GNA14: variants seen among roughly 807,000 people sequenced by gnomAD.
The protein encoded by GNA14 is G protein subunit alpha 14.
A neutral mutation model predicts 42.0 loss-of-function variants in GNA14; 50 were observed. That is an observed-to-expected ratio of 1.19 (90% confidence interval 0.95 to 1.51). The LOEUF is 1.51. Ranked by LOEUF, GNA14 falls within the 40% of genes most tolerant of loss-of-function variation. GNA14 has a pLI of 0.00. For missense variants in GNA14, 473 were observed against 446.2 expected (o/e 1.06, Z -0.54); for synonymous variants, 173 against 163.1 (o/e 1.06, Z -0.46).
chr9:77,564,041 TA>T (rs778401142), intron 1 of GNA14, among the ~76,000 whole-genome samples: 33 of 152,320 alleles, frequency 2.2e-4, no homozygotes, highest in Non-Finnish European at 2.8e-4. Flanking sequence ...ATTTTAACTT[TA>T]AAATATGGAT....
At chr9:77,485,841 A>C (rs939179582) in intron 2 of GNA14, among the ~76,000 whole-genome samples, 3 of 152,214 alleles carry the variant, frequency 2.0e-5, no homozygotes, top group African/African-American at 7.2e-5. Context: ...TAAAATATTC[A>C]GTAAATCATT....
chr9:77,537,121 A>G (rs1837607826), intron 1 of GNA14, among the ~76,000 whole-genome samples: 3 of 152,150 alleles, frequency 2.0e-5, no homozygotes, highest in Non-Finnish European at 4.4e-5. Context: ...AGTATACAAT[A>G]CACTGTTGCT....
At chr9:77,623,129 T>C (rs945005683) in intron 1 of GNA14, among the ~76,000 whole-genome samples, 25 of 143,084 alleles carry the variant, frequency 1.7e-4, no homozygotes, top group Non-Finnish European at 9.0e-5. Flanking sequence ...GGCAGAAGAA[T>C]TGCTTGAACC....
chr9:77,576,000 G>A (rs552022093), intron 1 of GNA14, among the ~76,000 whole-genome samples: 2 of 152,320 alleles, frequency 1.3e-5, no homozygotes, highest in African/African-American at 4.8e-5. Context: ...TATCCATGGT[G>A]CTGAAATGTT....
chr9:77,609,643 A>G lies in GNA14; in HGVS notation c.124+38027T>C, dbSNP rs552934039. ...CACAGTTTGGAGGCTGAGAAGTCCA[A>G]GATCAAGGTGCTGGTTGATTTGATT... On this transcript the variant is annotated intron_variant, in intron 1 of 6. Transcript: ENST00000341700. 1.3e-3 allele frequency among the ~76,000 whole-genome samples: 191 copies of G among 152,328 alleles called. 1 individual carries two copies. Among genetic ancestry groups the G allele is most frequent in the African/African-American group, 4.5e-3 (186 of 41,580 alleles).
intron 1 of GNA14, among the ~76,000 whole-genome samples, chr9:77,622,057 C>T (rs1351042960): frequency 6.6e-6 from 1 of 152,174 alleles, no homozygotes; most frequent in African/African-American, 2.4e-5. Flanking sequence ...TCCCAAAGTT[C>T]TGGGATTACA....
At chr9:77,566,879 C>T (rs1156817004) in intron 1 of GNA14, among the ~76,000 whole-genome samples, 1 of 152,102 alleles carries the variant, frequency 6.6e-6, no homozygotes, top group African/African-American at 2.4e-5. Context: ...ATTTGAATCT[C>T]AGGAGAGTGA....
chr9:77,529,094 A>G lies in GNA14; in HGVS notation c.284T>C (p.Ile95Thr). 2 of 1,614,210 alleles carry G rather than the reference A, an allele frequency of 1.2e-6. No individual in the cohort carries two copies. The highest frequency in any genetic ancestry group is 8.5e-7 in the Non-Finnish European group (1 of 1,180,028). ...CTTATTCTGTTCACACACATACTGTATCCTTAGCGTGTCCATCGCTCTGAT... is the reference window on the plus strand; with the variant it reads ...CTTATTCTGTTCACACACATACTGTGTCCTTAGCGTGTCCATCGCTCTGAT... ...AMIRAMDTLR[I>T]QYVCEQNKEN... Residue 95 changes from isoleucine (I) to threonine (T), a missense_variant, in exon 2 of 7, where the codon ATA becomes ACA. Ile to Thr is a moderately conservative substitution (Grantham distance 89). Transcript: ENST00000341700.
intron 1 of GNA14, among the ~76,000 whole-genome samples, chr9:77,612,073 A>C (rs982308834): frequency 2.6e-5 from 4 of 151,978 alleles, no homozygotes; most frequent in African/African-American, 9.7e-5. Flanking sequence ...AGTGGTTATA[A>C]TATACTAGAA....
At chr9:77,484,362 A>C (rs1836618460) in intron 2 of GNA14, among the ~76,000 whole-genome samples, 1 of 152,216 alleles carries the variant, frequency 6.6e-6, no homozygotes, top group African/African-American at 2.4e-5. Context: ...AAAAAATTAA[A>C]ACGTGTTCAA....
intron 6 of GNA14, among the ~76,000 whole-genome samples, chr9:77,424,743 T>C (rs529876821): frequency 7.2e-5 from 11 of 152,290 alleles, no homozygotes; most frequent in African/African-American, 2.2e-4. Flanking sequence ...TGGACCACTA[T>C]TGAAGAGAAG....
At chr9:77,534,418 G>C (rs1837569553) in intron 1 of GNA14, among the ~76,000 whole-genome samples, 1 of 152,208 alleles carries the variant, frequency 6.6e-6, no homozygotes, top group African/African-American at 2.4e-5. Context: ...TCTTTCCCAA[G>C]TGATAGTCCA....
At chr9:77,463,674 A>T (rs1012198343) in intron 2 of GNA14, among the ~76,000 whole-genome samples, 1 of 152,216 alleles carries the variant, frequency 6.6e-6, no homozygotes, top group Non-Finnish European at 1.5e-5. Flanking sequence ...AAATGCCTCA[A>T]AAATAATTAT....
intron 1 of GNA14, among the ~76,000 whole-genome samples, chr9:77,607,161 A>T (rs1823655549): frequency 6.6e-6 from 1 of 152,236 alleles, no homozygotes; most frequent in Non-Finnish European, 1.5e-5. Flanking sequence ...GGATTTGCAC[A>T]AAATGATTGG....
intron 1 of GNA14, among the ~76,000 whole-genome samples, chr9:77,558,036 T>C (rs1438241482): frequency 1.3e-5 from 2 of 152,194 alleles, no homozygotes; most frequent in Non-Finnish European, 2.9e-5. Flanking sequence ...CTCTGAAATC[T>C]GTCTCAGTCT....
At chr9:77,441,715 ATAT>A (rs1409854059) in intron 2 of GNA14, among the ~76,000 whole-genome samples, 7 of 152,116 alleles carry the variant, frequency 4.6e-5, no homozygotes, top group African/African-American at 1.7e-4. Context: ...AAGATAAAAT[ATAT>A]TATTAAATAT....
chr9:77,448,514 T>G (rs1446356095), intron 2 of GNA14, among the ~76,000 whole-genome samples: 1 of 152,236 alleles, frequency 6.6e-6, no homozygotes, highest in Non-Finnish European at 1.5e-5. Flanking sequence ...GTTTGGCAGT[T>G]TAGGTAAATT....
Position 77,629,717 on chromosome 9 carries a change from C to A in GNA14, c.124+17953G>T, listed in dbSNP as rs187944595. Among the ~76,000 whole-genome samples, 57 of 152,146 alleles carry A rather than the reference C, an allele frequency of 3.7e-4. No homozygotes were observed. In the South Asian group the frequency reaches 0.011, roughly 31 times the overall value. On this transcript the variant is annotated intron_variant, in intron 1 of 6. Transcript: ENST00000341700. The stretch of plus-strand genomic sequence containing the variant: ...ACACAGTGAGGGGAACATCACATAC[C>A]GGGTTCTGTCAGGGGGTAGGGAGCT...
At chr9:77,454,713 G>A (rs1183763204) in intron 2 of GNA14, among the ~76,000 whole-genome samples, 1 of 150,868 alleles carries the variant, frequency 6.6e-6, no homozygotes, top group East Asian at 2.0e-4. Flanking sequence ...TTCTGCAAAT[G>A]TGAGTCAGTT....
Sources: gnomAD v4.1 joint callset for allele counts (sites outside exome capture counted in the v4.1 genomes callset) on GRCh38, gnomAD v4.1.1 for gene constraint, MANE v1.5 for transcripts, NCBI Gene and HGNC (gene_info 2026-07-23, HGNC 2026-07-21) for gene names.